Variants in ADGRL1 observed in about 807,000 individuals in gnomAD.
The protein encoded by ADGRL1 is adhesion G protein-coupled receptor L1, also known as CIRL-1.
ADGRL1 carries 31 observed loss-of-function variants against 148.9 expected under a neutral mutation model. The observed-to-expected ratio is 0.21, with a 90% CI of 0.16 to 0.28. The LOEUF (loss-of-function observed/expected upper bound fraction) is 0.28, where lower values mean the gene tolerates loss of function less well. Among genes scored for constraint, ADGRL1 ranks in the 10% least tolerant of loss-of-function variants. The pLI, the probability that ADGRL1 is intolerant of heterozygous loss-of-function variation, is 1.00. For missense variants in ADGRL1, 1,521 were observed against 2,058.8 expected, an observed-to-expected ratio of 0.74 and a Z score of 5.05; for synonymous variants, 937 against 900.3, an observed-to-expected ratio of 1.04 and a Z score of -0.73.
At chr19:14,172,568 C>T (rs138078309) in intron 3 of ADGRL1, among the ~76,000 whole-genome samples, 50 of 149,442 alleles carry the variant, frequency 3.3e-4, no homozygotes, top group Non-Finnish European at 1.2e-4. Flanking sequence ...GGTAAAACCC[C>T]ATCTCTACTA....
At position 14,155,905 on chromosome 19, in the gene ADGRL1, G is replaced by A; in HGVS notation, c.3125+205C>T. Reference sequence around the variant, plus strand: ...ACATACCGATGCCCCTAAAACCACAGGTTGGACGTGCTAATGATACGCTAT... The same window carrying A: ...ACATACCGATGCCCCTAAAACCACAAGTTGGACGTGCTAATGATACGCTAT... On this transcript the variant is annotated intron_variant, in intron 17 of 22. Coordinates refer to ENST00000361434, the MANE Select transcript of ADGRL1 (RefSeq NM_014921.5). The surrounding 1 kb of genome is among the most constrained non-coding windows in gnomAD (Gnocchi z 5.0). 1 of 595,376 alleles carries A rather than the reference G, an allele frequency of 1.7e-6. No individual in the cohort carries two copies. Among genetic ancestry groups the A allele is most frequent in the South Asian group, 2.0e-5 (1 of 49,826 alleles). 36.9% of individuals were successfully genotyped at this position (595,376 alleles called of 1,614,324 possible). A position where few individuals can be genotyped will look rare whatever the true frequency, so the allele number is the denominator to read the frequency against.
In ADGRL1 at chr19:14,159,799, G is replaced by A; in HGVS notation, c.1801-26C>T. 1.2e-6 allele frequency: 2 copies of A among 1,608,662 alleles called. No individual in the cohort carries two copies. The highest frequency in any genetic ancestry group is 1.7e-4 in the Middle Eastern group (1 of 6,054). ...CTAGAAAGAGATGGAGGTGATGTCA[G>A]GCCAGGCCTCTGGGTGCCGGTTCCC... On this transcript the variant is annotated intron_variant, in intron 8 of 22. Coordinates refer to ENST00000361434, the MANE Select transcript of ADGRL1 (RefSeq NM_014921.5). This position sits in a 1 kb window ranked among gnomAD's most constrained non-coding sequence, Gnocchi z 6.0.
In ADGRL1 at chr19:14,163,555, G is replaced by A. The variant is rs934206128; in HGVS notation, c.395-149C>T. On this transcript the variant is annotated intron_variant, in intron 4 of 22. Coordinates refer to ENST00000361434, the MANE Select transcript of ADGRL1 (RefSeq NM_014921.5). ...GTGGGGAGCCAGGTTGTCCCCTCCTGCTGCTGCAGTCACGGTTGCTTGGTA... is the reference window on the plus strand; with the variant it reads ...GTGGGGAGCCAGGTTGTCCCCTCCTACTGCTGCAGTCACGGTTGCTTGGTA... 4 of 653,362 alleles carry A rather than the reference G, an allele frequency of 6.1e-6. No homozygotes were observed. The African/African-American group carries it at 7.3e-5, about 12-fold the overall frequency. The allele number at this position is 653,362 out of a possible 1,614,324, so 40.5% of individuals were successfully genotyped here. A position where few individuals can be genotyped will look rare whatever the true frequency, so the allele number is the denominator to read the frequency against.
intron 2 of ADGRL1, among the ~76,000 whole-genome samples, chr19:14,179,131 C>G (rs892622106): frequency 6.6e-6 from 1 of 151,894 alleles, no homozygotes; most frequent in African/African-American, 2.4e-5. Context: ...TTGCAGTGAG[C>G]CCAGATCGTG....
chr19:14,173,208 G>A (rs770759951), intron 3 of ADGRL1, among the ~76,000 whole-genome samples: 2 of 152,078 alleles, frequency 1.3e-5, no homozygotes, highest in Non-Finnish European at 2.9e-5. Flanking sequence ...CAATCTACCC[G>A]TCTCGACCTC....
At chr19:14,168,192 CCT>C (rs2144836399) in intron 4 of ADGRL1, among the ~76,000 whole-genome samples, 1 of 152,088 alleles carries the variant, frequency 6.6e-6, no homozygotes, top group South Asian at 2.1e-4. Context: ...TCTCCTGGCC[CCT>C]CTCTGAAGGT....
Position 14,157,453 on chromosome 19 carries a change from C to T in ADGRL1, c.2543G>A (p.Gly848Asp). Residue 848 changes from glycine to aspartate, a missense_variant, in exon 14 of 23, where the codon GGC becomes GAC. Coordinates refer to ENST00000361434, the MANE Select transcript of ADGRL1 (RefSeq NM_014921.5). The surrounding 1 kb of genome is among the most constrained non-coding windows in gnomAD (Gnocchi z 7.5). The stretch of plus-strand genomic sequence containing the variant: ...CGACAGCAGCAGCTCGTTGATGCGG[C>T]CCTGGTACTGGGGACAGGAACAGGG... ...VLMAHREIYQ[G>D]RINELLLSVI... 1 of 1,613,980 alleles carries T rather than the reference C, an allele frequency of 6.2e-7. No homozygotes were observed. The highest frequency in any genetic ancestry group is 8.5e-7 in the Non-Finnish European group (1 of 1,180,012).
intron 2 of ADGRL1, among the ~76,000 whole-genome samples, chr19:14,179,632 C>T (rs188706625): frequency 6.6e-6 from 1 of 152,152 alleles, no homozygotes; most frequent in East Asian, 1.9e-4. Context: ...CTAGGCCGGG[C>T]TCGGTGGCTC....
chr19:14,202,786 CCTT>C (rs1276757962), intron 1 of ADGRL1, among the ~76,000 whole-genome samples: 5 of 152,078 alleles, frequency 3.3e-5, no homozygotes, highest in African/African-American at 1.2e-4. Context: ...GACAGCTACT[CCTT>C]CTTGCAGCCC....
At chr19:14,181,341 T>G (rs1971178829) in intron 2 of ADGRL1, among the ~76,000 whole-genome samples, 1 of 152,220 alleles carries the variant, frequency 6.6e-6, no homozygotes, top group African/African-American at 2.4e-5. Flanking sequence ...GGCCCCATAC[T>G]CGGCCTGCTG....
rs1969649379 is a variant in ADGRL1, at chr19:14,163,499, G to GA, written c.395-94_395-93insT. 6.8e-5 allele frequency: 50 copies of GA among 740,052 alleles called. No individual in the cohort carries two copies. In the Middle Eastern group the frequency reaches 1.2e-3, roughly 18 times the overall value. 45.8% of individuals were successfully genotyped at this position (740,052 alleles called of 1,614,324 possible). A position where few individuals can be genotyped will look rare whatever the true frequency, so the allele number is the denominator to read the frequency against. The stretch of plus-strand genomic sequence containing the variant: ...GAGAGAGAGAGAGAGAGAGAGAGAG[G>GA]GGGGAGAGAGGCAAGTTGGTCACGC... On this transcript the variant is annotated intron_variant, in intron 4 of 22. Coordinates refer to ENST00000361434, the MANE Select transcript of ADGRL1 (RefSeq NM_014921.5).
Position 14,159,777 on chromosome 19 carries a change from G to T in ADGRL1, c.1801-4C>A. Reference sequence around the variant, plus strand: ...AAGTTCTCTCTCGCTTGTGCATCTAGAAAGAGATGGAGGTGATGTCAGGCC... The same window carrying T: ...AAGTTCTCTCTCGCTTGTGCATCTATAAAGAGATGGAGGTGATGTCAGGCC... On this transcript the variant is annotated splice_polypyrimidine_tract_variant and splice_region_variant and intron_variant, in intron 8 of 22. Coordinates refer to ENST00000361434, the MANE Select transcript of ADGRL1 (RefSeq NM_014921.5). This position sits in a 1 kb window ranked among gnomAD's most constrained non-coding sequence, Gnocchi z 6.0. 6.2e-7 allele frequency: 1 copy of T among 1,613,560 alleles called. No homozygotes were observed. Among genetic ancestry groups the T allele is most frequent in the Non-Finnish European group, 8.5e-7 (1 of 1,179,590 alleles).
intron 3 of ADGRL1, among the ~76,000 whole-genome samples, chr19:14,174,534 CATT>C (rs1970688183): frequency 7.0e-6 from 1 of 142,568 alleles, no homozygotes; most frequent in Non-Finnish European, 1.5e-5. Context: ...TGGTAACACA[CATT>C]TTTTTTTTTT....
Position 14,159,611 on chromosome 19 carries a change from T to A in ADGRL1, c.1840-27A>T. On this transcript the variant is annotated intron_variant, in intron 9 of 22. Coordinates refer to ENST00000361434, the MANE Select transcript of ADGRL1 (RefSeq NM_014921.5). The surrounding 1 kb of genome is among the most constrained non-coding windows in gnomAD (Gnocchi z 6.0). ...TGCACAGGCAGAGGGCATGGTGCTG[T>A]GAGCCCCCCAACACCCTCTAATTCC... 6.3e-7 allele frequency: 1 copy of A among 1,592,684 alleles called. No individual in the cohort carries two copies. Among genetic ancestry groups the A allele is most frequent in the Non-Finnish European group, 8.6e-7 (1 of 1,165,076 alleles).
intron 1 of ADGRL1, among the ~76,000 whole-genome samples, chr19:14,197,523 C>T (rs1326015185): frequency 2.6e-5 from 4 of 152,152 alleles, no homozygotes; most frequent in Non-Finnish European, 4.4e-5. Flanking sequence ...TCTAACATGG[C>T]ATCTCAGGCC....
At chr19:14,191,293 C>T (rs1275657665) in intron 1 of ADGRL1, 1 of 456,584 alleles carries the variant, frequency 2.2e-6, no homozygotes, top group African/African-American at 2.0e-5. Flanking sequence ...TATTACAGTG[C>T]CCTGCAGTCA....
chr19:14,162,597 C>T lies in ADGRL1; in HGVS notation c.1195+9G>A, dbSNP rs368852851. ...GCAGGCTCCATGCCTGGAAGTGAGT[C>T]GTCCTCACCAGCACTGGGGTCGGGC... On this transcript the variant is annotated intron_variant, in intron 5 of 22. Transcript: ENST00000361434. This position sits in a 1 kb window ranked among gnomAD's most constrained non-coding sequence, Gnocchi z 5.4. The T allele has an allele frequency of 5.9e-5, 94 of 1,591,334 alleles. No individual in the cohort carries two copies. The African/African-American group carries it at 7.0e-4, about 12-fold the overall frequency.
intron 3 of ADGRL1, chr19:14,171,164 G>A (rs7251822): frequency 0.17 from 35,036 of 204,192 alleles, 3,651 homozygotes; most frequent in African/African-American, 0.32. Context: ...ACCTTCTGCT[G>A]TGATTGTAAG....
In ADGRL1 at chr19:14,156,205, G is replaced by GGGGC. The variant is rs754160045; in HGVS notation, c.3034-8_3034-5dup. 6.2e-7 allele frequency: 1 copy of GGGGC among 1,610,410 alleles called. No homozygotes were observed. The highest frequency in any genetic ancestry group is 1.1e-5 in the South Asian group (1 of 90,154). Reference sequence around the variant, plus strand: ...CCATGAGGAACACCAGGTTGACCTGGGGGCGGGACAAGGGGCAGGCTGGGC... The same window carrying GGGGC: ...CCATGAGGAACACCAGGTTGACCTGGGGGCGGGCGGGACAAGGGGCAGGCTGGGC... On this transcript the variant is annotated splice_polypyrimidine_tract_variant and splice_region_variant and intron_variant, in intron 16 of 22. Coordinates refer to ENST00000361434, the MANE Select transcript of ADGRL1 (RefSeq NM_014921.5).
Sources: gnomAD v4.1 joint callset for allele counts (sites outside exome capture counted in the v4.1 genomes callset) on GRCh38, gnomAD v4.1.1 for gene constraint, Gnocchi (gnomAD v3.1) non-coding constraint, MANE v1.5 for transcripts, NCBI Gene and HGNC (gene_info 2026-07-23, HGNC 2026-07-21) for gene names.